CPNE4: variants seen among roughly 807,000 people sequenced by gnomAD.
CPNE4 encodes copine-4.
In CPNE4, 25 loss-of-function variants were observed where a neutral mutation model predicts 67.9. The ratio of observed to expected loss-of-function variants is 0.37; its 90% confidence interval spans 0.27 to 0.51. CPNE4 has a LOEUF of 0.51. Ranked by LOEUF, CPNE4 falls within the 20% of genes least tolerant of loss-of-function variation. The pLI is 0.93. For missense variants in CPNE4, 464 were observed against 690.8 expected, an observed-to-expected ratio of 0.67 and a Z score of 3.68; for synonymous variants, 242 against 244.9, an observed-to-expected ratio of 0.99 and a Z score of 0.11.
At chr3:132,034,232 C>T (rs2074300762) in intron 1 of CPNE4, among the ~76,000 whole-genome samples, 1 of 151,982 alleles carries the variant, frequency 6.6e-6, no homozygotes, top group Non-Finnish European at 1.5e-5. Context: ...AAAACCGTAC[C>T]CCTTCTTCCG....
At chr3:131,970,371 G>A (rs1424639125) in intron 1 of CPNE4, among the ~76,000 whole-genome samples, 1 of 152,186 alleles carries the variant, frequency 6.6e-6, no homozygotes, top group Non-Finnish European at 1.5e-5. Context: ...ATATAATCCA[G>A]TGTATGCTGA....
intron 15 of CPNE4, among the ~76,000 whole-genome samples, chr3:131,541,573 C>CTT (rs74269437): frequency 0.042 from 5,797 of 138,398 alleles, 275 homozygotes; most frequent in African/African-American, 0.12. Flanking sequence ...TCAAAGATTA[C>CTT]TTTTTTTTTT....
At chr3:131,673,320 C>G (rs921135558) in intron 6 of CPNE4, among the ~76,000 whole-genome samples, 22 of 152,090 alleles carry the variant, frequency 1.4e-4, no homozygotes, top group African/African-American at 5.1e-4. Context: ...TATTCTGGGT[C>G]TTTCATAGTT....
intron 1 of CPNE4, among the ~76,000 whole-genome samples, chr3:131,938,512 T>C (rs2071292425): frequency 6.6e-6 from 1 of 152,146 alleles, no homozygotes; most frequent in Admixed American, 6.5e-5. Flanking sequence ...CTGGGTAATT[T>C]ATAAACAAAA....
chr3:131,536,279 T>C (rs1935140862), intron 15 of CPNE4, among the ~76,000 whole-genome samples: 1 of 152,152 alleles, frequency 6.6e-6, no homozygotes, highest in Non-Finnish European at 1.5e-5. Flanking sequence ...TGATTTATGG[T>C]GATGATTCTG....
At chr3:131,828,711 T>C (rs569570087) in intron 2 of CPNE4, among the ~76,000 whole-genome samples, 2 of 152,308 alleles carry the variant, frequency 1.3e-5, no homozygotes, top group Admixed American at 6.5e-5. Context: ...TATTTCTTGA[T>C]GATCATAGCC....
At chr3:131,579,119 A>T (rs1398365486) in intron 9 of CPNE4, among the ~76,000 whole-genome samples, 2 of 152,208 alleles carry the variant, frequency 1.3e-5, no homozygotes, top group Non-Finnish European at 2.9e-5. Flanking sequence ...ATTAGGGGCC[A>T]TTGCAGCTGG....
intron 1 of CPNE4, among the ~76,000 whole-genome samples, chr3:131,947,477 A>G (rs2071587150): frequency 6.6e-6 from 1 of 152,182 alleles, no homozygotes; most frequent in Non-Finnish European, 1.5e-5. Flanking sequence ...ATGAGTGAGA[A>G]CATGCAGTGT....
At chr3:131,718,934 T>G (rs554988201) in intron 3 of CPNE4, among the ~76,000 whole-genome samples, 18 of 152,374 alleles carry the variant, frequency 1.2e-4, no homozygotes, top group African/African-American at 3.8e-4. Flanking sequence ...GGAGTCATCA[T>G]GTCTTTCCTT....
chr3:132,035,793 C>CA (rs1196199787), upstream of CPNE4, among the ~76,000 whole-genome samples: 1 of 152,188 alleles, frequency 6.6e-6, no homozygotes, highest in Non-Finnish European at 1.5e-5. Context: ...GTCAGACTCA[C>CA]AAATTGGACT....
At chr3:131,877,319 G>A (rs1194498961) in intron 2 of CPNE4, among the ~76,000 whole-genome samples, 1 of 152,090 alleles carries the variant, frequency 6.6e-6, no homozygotes, top group Non-Finnish European at 1.5e-5. Flanking sequence ...CAACAACCAT[G>A]AACACAAAAA....
chr3:131,912,557 G>A (rs532255092), intron 1 of CPNE4, among the ~76,000 whole-genome samples: 4 of 152,258 alleles, frequency 2.6e-5, no homozygotes, highest in Non-Finnish European at 4.4e-5. Context: ...TGTGCTGAAT[G>A]CTGGAGGCAC....
intron 4 of CPNE4, 76 bp downstream of exon 4, chr3:131,699,833 A>G (rs2081248420): frequency 3.6e-6 from 4 of 1,126,562 alleles, no homozygotes; most frequent in Non-Finnish European, 3.9e-6. Flanking sequence ...CTGCTTCCCA[A>G]GTGTCTGGTT....
At chr3:132,003,195 T>G (rs910786849) in intron 1 of CPNE4, among the ~76,000 whole-genome samples, 2 of 152,116 alleles carry the variant, frequency 1.3e-5, no homozygotes, top group African/African-American at 4.8e-5. Context: ...CACACTACAT[T>G]CATATGCATG....
rs143166236 is a variant in CPNE4 at position 131,817,742 on chromosome 3, G to GATGT, written c.180+87518_180+87521dup. The stretch of plus-strand genomic sequence containing the variant: ...CCAGGGGGCCCACGAAACATAAAAT[G>GATGT]ATGTTACTGATGTTCATGGCAGAAG... On this transcript the variant is annotated intron_variant, in intron 2 of 15. Transcript: ENST00000429747. Among the ~76,000 whole-genome samples the GATGT allele has an allele frequency of 3.0e-3, 461 of 152,328 alleles. 2 individuals carry two copies. The highest frequency in any genetic ancestry group is 0.01 in the African/African-American group (435 of 41,574).
At chr3:131,686,017 C>CA in intron 5 of CPNE4, 59 bp from the exon 6 acceptor site, 1 of 910,298 alleles carries the variant, frequency 1.1e-6, no homozygotes. Context: ...TAGTCCTGAT[C>CA]AATCAGGAAT....
chr3:131,637,300 G>C (rs1294672802), intron 7 of CPNE4, among the ~76,000 whole-genome samples: 2 of 152,074 alleles, frequency 1.3e-5, no homozygotes, highest in African/African-American at 4.8e-5. Context: ...CATGATACAG[G>C]ATATGAAAGG....
chr3:131,981,728 G>A (rs547500521), intron 1 of CPNE4, among the ~76,000 whole-genome samples: 1 of 152,184 alleles, frequency 6.6e-6, no homozygotes, highest in African/African-American at 2.4e-5. Context: ...GGAGTGGCCT[G>A]CTAGGAGACC....
chr3:131,708,864 T>C (rs2081480894), intron 3 of CPNE4, among the ~76,000 whole-genome samples: 1 of 150,152 alleles, frequency 6.7e-6, no homozygotes, highest in African/African-American at 2.4e-5. Context: ...TTGGGGATAT[T>C]TGGCAGTTTA....
Sources: allele counts gnomAD v4.1 joint callset (sites outside exome capture counted in the v4.1 genomes callset), GRCh38; gene constraint gnomAD v4.1.1; transcripts MANE v1.5; gene names NCBI Gene and HGNC (gene_info 2026-07-23, HGNC 2026-07-21).